Variants in RPRD2 observed in about 807,000 individuals in gnomAD.
The protein encoded by RPRD2 is regulation of nuclear pre-mRNA domain containing 2, also known as regulation of nuclear pre-mRNA domain-containing protein 2.
Under a neutral mutation model 104.4 loss-of-function variants are expected in RPRD2, and 12 were observed. The observed-to-expected ratio is 0.11, with a 90% confidence interval of 0.07 to 0.19. The LOEUF (loss-of-function observed/expected upper bound fraction) is 0.19, where lower values mean the gene tolerates loss of function less well. Ranked by LOEUF, RPRD2 falls within the 10% of genes least tolerant of loss-of-function variation. RPRD2 has a pLI of 1.00. For synonymous variants in RPRD2, 714 were observed against 684.9 expected (o/e 1.04, Z -0.66); for missense variants, 1,543 against 1,790.1 (o/e 0.86, Z 2.49).
chr1:150,371,512 A>G (rs1234625902), intron 1 of RPRD2, among the ~76,000 whole-genome samples: 1 of 152,134 alleles, frequency 6.6e-6, no homozygotes, highest in Non-Finnish European at 1.5e-5. Flanking sequence ...CTGGGACTAC[A>G]GGCACCCACC....
chr1:150,456,457 T>C (rs1335263246), intron 7 of RPRD2, among the ~76,000 whole-genome samples: 1 of 152,052 alleles, frequency 6.6e-6, no homozygotes, highest in Non-Finnish European at 1.5e-5. Context: ...TGATTAATAA[T>C]AGAAAATCTA....
intron 2 of RPRD2, among the ~76,000 whole-genome samples, chr1:150,438,629 C>CA (rs141244603): frequency 0.038 from 5,507 of 143,164 alleles, 310 homozygotes; most frequent in African/African-American, 0.13. Flanking sequence ...ACTCTGTCTT[C>CA]AAAAAAAAAA....
chr1:150,375,216 CAGA>C (rs1366595279), intron 1 of RPRD2, among the ~76,000 whole-genome samples: 2 of 152,150 alleles, frequency 1.3e-5, no homozygotes, highest in African/African-American at 4.8e-5. Flanking sequence ...TCTCTTACAG[CAGA>C]AGGGTGATTT....
intron 2 of RPRD2, among the ~76,000 whole-genome samples, chr1:150,421,992 AC>A (rs748566991): frequency 2.8e-4 from 43 of 151,876 alleles, no homozygotes; most frequent in Non-Finnish European, 5.0e-4. Context: ...TCTTAAATAA[AC>A]AAATACAGAA....
At chr1:150,431,267 A>G (rs1665548642) in intron 2 of RPRD2, among the ~76,000 whole-genome samples, 1 of 152,080 alleles carries the variant, frequency 6.6e-6, no homozygotes, top group South Asian at 2.1e-4. Context: ...TAGAATTACC[A>G]CATGATCCAG....
intron 1 of RPRD2, among the ~76,000 whole-genome samples, chr1:150,390,455 C>T (rs996363217): frequency 1.2e-4 from 18 of 152,128 alleles, no homozygotes; most frequent in African/African-American, 3.6e-4. Context: ...GCCGAGATCA[C>T]GCCGTTACAC....
chr1:150,420,354 A>G (rs832622), intron 2 of RPRD2, among the ~76,000 whole-genome samples: 49,924 of 152,046 alleles, frequency 0.33, 8,917 homozygotes, highest in Non-Finnish European at 0.4. Context: ...AATAAAGTAC[A>G]GTTCTTAAGT....
At chr1:150,402,236 G>A (rs59639798) in intron 1 of RPRD2, among the ~76,000 whole-genome samples, 7,201 of 152,224 alleles carry the variant, frequency 0.047, 430 homozygotes, top group African/African-American at 0.13. Flanking sequence ...GGGATTACAG[G>A]CCTTGATGGG....
At chr1:150,374,474 G>A (rs369097970) in intron 1 of RPRD2, among the ~76,000 whole-genome samples, 2 of 152,288 alleles carry the variant, frequency 1.3e-5, no homozygotes, top group South Asian at 2.1e-4. Flanking sequence ...TGTGAGCCCC[G>A]ATTTATGGTG....
At chr1:150,396,790 T>C (rs1483031956) in intron 1 of RPRD2, among the ~76,000 whole-genome samples, 1 of 152,010 alleles carries the variant, frequency 6.6e-6, no homozygotes, top group Non-Finnish European at 1.5e-5. Context: ...GATTTCAAAC[T>C]ATACTCTAAG....
chr1:150,369,185 G>A (rs1427205497), intron 1 of RPRD2, among the ~76,000 whole-genome samples: 1 of 152,168 alleles, frequency 6.6e-6, no homozygotes, highest in African/African-American at 2.4e-5. Flanking sequence ...TTATAATTTA[G>A]TGAAAGAAAT....
In RPRD2 at chr1:150,472,449, C is replaced by T. The variant is rs1322533753; in HGVS notation, c.3501C>T (p.Tyr1167=). 1.9e-6 allele frequency: 3 copies of T among 1,613,934 alleles called. No individual in the cohort carries two copies. The highest frequency in any genetic ancestry group is 1.1e-5 in the South Asian group (1 of 91,082). Residue 1167 remains tyrosine (Y), a synonymous_variant, in exon 11 of 11, where the codon TAC becomes TAT. Transcript: ENST00000369068. Reference sequence around the variant, plus strand: ...TCACTGGCTTTAAAACAGCACCATACAAGGAACGGGCACCTCAATTTCAGG... The same window carrying T: ...TCACTGGCTTTAAAACAGCACCATATAAGGAACGGGCACCTCAATTTCAGG... The part of the protein sequence containing the change: ...GGLTGFKTAP[Y]KERAPQFQES...
chr1:150,443,857 A>C lies in RPRD2; in HGVS notation c.568-394A>C, dbSNP rs587765748. On this transcript the variant is annotated intron_variant, in intron 5 of 10. Transcript: ENST00000369068. Reference sequence around the variant, plus strand: ...CGTCTCTACTAAAAATTAAAAAAAAAAAAAACAAAAATTAGCTGGGCGTGG... The same window carrying C: ...CGTCTCTACTAAAAATTAAAAAAAACAAAAACAAAAATTAGCTGGGCGTGG... Among the ~76,000 whole-genome samples the C allele has an allele frequency of 2.6e-5, 4 of 151,942 alleles. No individual in the cohort carries two copies. The East Asian group carries it at 7.7e-4, about 29-fold the overall frequency.
chr1:150,369,927 C>T (rs1182929129), intron 1 of RPRD2, among the ~76,000 whole-genome samples: 4 of 151,870 alleles, frequency 2.6e-5, no homozygotes, highest in Admixed American at 6.6e-5. Context: ...ATTACAGGCA[C>T]ATGCCACCAC....
Position 150,405,407 on chromosome 1 carries a change from A to T in RPRD2, c.206-12189A>T, listed in dbSNP as rs587718071. Among the ~76,000 whole-genome samples, 28 of 150,952 alleles carry T rather than the reference A, an allele frequency of 1.9e-4. No homozygotes were observed. The East Asian group carries it at 3.3e-3, about 18-fold the overall frequency. On this transcript the variant is annotated intron_variant, in intron 1 of 10. Transcript: ENST00000369068. ...ATTTTTAGTAATGACAAAATTTTTT[A>T]TTTTTTTTTGGTAAATAGCCTAGTA...
chr1:150,472,521 G>A lies in RPRD2; in HGVS notation c.3573G>A (p.Glu1191=), dbSNP rs745309502. ...CCAACAGTTTCAACTCAACATTTGA[G>A]CATCATCTTCCCCCATCCCCCTTGG... ...FRSNSFNSTF[E]HHLPPSPLEH... is the part of the protein sequence containing the mutation. The change falls in exon 11 of 11, where the codon GAG becomes GAA. Residue 1191 remains glutamate, a synonymous_variant. Coordinates refer to ENST00000369068, the MANE Select transcript of RPRD2 (RefSeq NM_015203.5). 3 of 1,613,836 alleles carry A rather than the reference G, an allele frequency of 1.9e-6. No individual in the cohort carries two copies. Among genetic ancestry groups the A allele is most frequent in the Non-Finnish European group, 2.5e-6 (3 of 1,179,890 alleles).
chr1:150,462,355 G>A (rs1045981412), intron 9 of RPRD2, among the ~76,000 whole-genome samples: 3 of 151,282 alleles, frequency 2.0e-5, no homozygotes, highest in African/African-American at 7.3e-5. Flanking sequence ...TGAGGCATAA[G>A]TATCATTTGA....
intron 1 of RPRD2, among the ~76,000 whole-genome samples, chr1:150,401,347 G>A (rs186823596): frequency 6.6e-6 from 1 of 151,976 alleles, no homozygotes; most frequent in East Asian, 2.0e-4. Flanking sequence ...AATTAGCTGG[G>A]TATGGTGGTG....
At chr1:150,404,963 A>G (rs1486795233) in intron 1 of RPRD2, among the ~76,000 whole-genome samples, 1 of 152,188 alleles carries the variant, frequency 6.6e-6, no homozygotes, top group African/African-American at 2.4e-5. Flanking sequence ...CTTACCTATT[A>G]TAGCATGTGC....
Sources: gnomAD v4.1 joint callset for allele counts (sites outside exome capture counted in the v4.1 genomes callset) on GRCh38, gnomAD v4.1.1 for gene constraint, MANE v1.5 for transcripts, NCBI Gene and HGNC (gene_info 2026-07-23, HGNC 2026-07-21) for gene names.